Variants in MS4A6A observed in about 807,000 individuals in gnomAD.
MS4A6A encodes membrane spanning 4-domains A6A, also known as membrane-spanning 4-domains subfamily A member 6A.
MS4A6A carries 19 observed loss-of-function variants against 20.6 expected under a neutral mutation model. That is an observed-to-expected ratio of 0.92 (90% CI 0.64 to 1.36). The LOEUF is 1.36. MS4A6A is among the 40% of genes most tolerant of loss of function. MS4A6A has a pLI of 0.00. For missense variants in MS4A6A, 272 were observed against 261.1 expected (o/e 1.04, Z -0.29); for synonymous variants, 108 against 105.0 (o/e 1.03, Z -0.17).
chr11:60,178,456 C>A, intron 3 of MS4A6A, 140 bp from the exon 4 acceptor site: 1 of 612,384 alleles, frequency 1.6e-6, no homozygotes. Flanking sequence ...CATTTAAATA[C>A]ATAGATTTGT....
intron 1 of MS4A6A, chr11:60,182,674 T>G (rs557600070): frequency 1.3e-5 from 2 of 152,858 alleles, no homozygotes; most frequent in Admixed American, 1.3e-4. Context: ...TTGGATCCCT[T>G]TTCACGGCAC....
chr11:60,179,543 T>TA, intron 3 of MS4A6A: 1 of 567,464 alleles, frequency 1.8e-6, no homozygotes, highest in Non-Finnish European at 3.1e-6. Flanking sequence ...AATTCATGGA[T>TA]TTTTTTTTCG....
rs1565096134 is a variant in MS4A6A, at chr11:60,172,671, T to G, written c.*330A>C. 20 of 1,173,564 alleles carry G rather than the reference T, an allele frequency of 1.7e-5. No individual in the cohort carries two copies. Among genetic ancestry groups the G allele is most frequent in the Non-Finnish European group, 2.0e-5 (19 of 940,068 alleles). The allele number at this position is 1,173,564 out of a possible 1,614,324, so 72.7% of individuals were successfully genotyped here. A position where few individuals can be genotyped will look rare whatever the true frequency, so the allele number is the denominator to read the frequency against. On this transcript the variant is annotated 3_prime_UTR_variant, in exon 6 of 6. Coordinates refer to ENST00000528851, the MANE Select transcript of MS4A6A (RefSeq NM_022349.4). ...TGGTTGTGGCAGAAATTGTTTCTGC[T>G]TATAAGGGAGGCAAGCCAGGTTCTA...
chr11:60,172,269 T>C (rs746241372), downstream of MS4A6A: 1 of 1,611,466 alleles, frequency 6.2e-7, no homozygotes, highest in South Asian at 1.1e-5. Flanking sequence ...AGAAACAAAA[T>C]ATGTTAGGTC....
intron 2 of MS4A6A, 78 bp downstream of exon 2, chr11:60,181,503 G>T (rs975826134): frequency 1.3e-6 from 2 of 1,566,888 alleles, no homozygotes; most frequent in African/African-American, 2.7e-5. Context: ...ACTCACGACA[G>T]ATGTCCAGTC....
intron 3 of MS4A6A, chr11:60,179,489 T>TC: frequency 1.7e-6 from 1 of 579,556 alleles, no homozygotes. Flanking sequence ...CCATTTATGC[T>TC]CTTTTTTTTT....
chr11:60,181,483 G>T lies in MS4A6A; in HGVS notation c.147+98C>A, dbSNP rs574728830. 2.7e-5 allele frequency: 40 copies of T among 1,478,732 alleles called. No individual in the cohort carries two copies. The African/African-American group carries it at 4.4e-4, about 16-fold the overall frequency. The allele number at this position is 1,478,732 out of a possible 1,614,324, so 91.6% of individuals were successfully genotyped here. A position where few individuals can be genotyped will look rare whatever the true frequency, so the allele number is the denominator to read the frequency against. ...CTAAAGTCCCTCTAGCAAAATTTTA[G>T]GGTCTCCACACTCACGACAGATGTC... On this transcript the variant is annotated intron_variant, in intron 2 of 5. Coordinates refer to ENST00000528851, the MANE Select transcript of MS4A6A (RefSeq NM_022349.4).
chr11:60,182,061 C>T (rs1857163095), intron 1 of MS4A6A, among the ~76,000 whole-genome samples: 1 of 152,184 alleles, frequency 6.6e-6, no homozygotes, highest in Non-Finnish European at 1.5e-5. Context: ...TCTAGTCCTA[C>T]TGACAACAAC....
Position 60,181,623 on chromosome 11 carries a change from AT to A in MS4A6A, c.104del (p.Asp35ValfsTer3). ...CTGCGTGTAGATGTTTCTTCAGGCTATCCTGCCCCTGGTTGGTGGGTTCGGG... is the reference window on the plus strand; with the variant it reads ...CTGCGTGTAGATGTTTCTTCAGGCTACCTGCCCCTGGTTGGTGGGTTCGGG... ...EKPEPTNQGQ[D>X]SLKKHLHAEI... On this transcript the variant is annotated frameshift_variant, in exon 2 of 6. Transcript: ENST00000528851. LOFTEE classifies it high-confidence loss of function. The A allele has an allele frequency of 6.2e-7, 1 of 1,613,974 alleles. No individual in the cohort carries two copies. Among genetic ancestry groups the A allele is most frequent in the South Asian group, 1.1e-5 (1 of 91,066 alleles).
At chr11:60,182,500 G>C (rs529312992) in intron 1 of MS4A6A, 1 of 152,266 alleles carries the variant, frequency 6.6e-6, no homozygotes, top group East Asian at 1.9e-4. Flanking sequence ...TTCCCACCTG[G>C]CATTGCCAGC....
chr11:60,176,749 A>G (rs1020061623), intron 4 of MS4A6A, among the ~76,000 whole-genome samples: 2 of 152,090 alleles, frequency 1.3e-5, no homozygotes, highest in Non-Finnish European at 2.9e-5. Flanking sequence ...AATAAGCTAG[A>G]TTTGTCTTGA....
intron 4 of MS4A6A, 143 bp from the exon 5 acceptor site, chr11:60,175,754 G>T: frequency 1.2e-6 from 1 of 809,846 alleles, no homozygotes; most frequent in Non-Finnish European, 1.9e-6. Flanking sequence ...TGCCTCTCCA[G>T]TGTCCAGCAA....
chr11:60,174,287 T>A (rs906245460), intron 5 of MS4A6A, among the ~76,000 whole-genome samples: 6 of 152,114 alleles, frequency 3.9e-5, no homozygotes, highest in African/African-American at 9.7e-5. Flanking sequence ...CTTGTTTTTA[T>A]GATTGCAGGA....
In MS4A6A at chr11:60,179,958, T is replaced by C. The variant is rs1443289117; in HGVS notation, c.155A>G (p.Gln52Arg). ...HAEIKVIGTI[Q>R]ILCGMMVLSL... ...CAATACCATCATGCCACACAAGATC[T>C]GGATAGTCTGTGGGAAGAGAAAGTG... Residue 52 changes from glutamine (Q) to arginine (R), a missense_variant, in exon 3 of 6, where the codon CAG becomes CGG. By Grantham distance (43) the Gln-to-Arg change is conservative (BLOSUM62 1). Transcript: ENST00000528851. 6.2e-7 allele frequency: 1 copy of C among 1,613,576 alleles called. No individual in the cohort carries two copies. The highest frequency in any genetic ancestry group is 1.3e-5 in the African/African-American group (1 of 74,988).
chr11:60,181,685 G>C lies in MS4A6A; in HGVS notation c.43C>G (p.Pro15Ala), dbSNP rs531174327. Reference sequence around the variant, plus strand: ...TGGGAGAAGTTGATGACATTTGATGGGAGCACTATGATGGTCTCATTGGGA... The same window carrying C: ...TGGGAGAAGTTGATGACATTTGATGCGAGCACTATGATGGTCTCATTGGGA... Reference protein sequence around the residue: ...PVPNETIIVLPSNVINFSQAE... With the variant: ...PVPNETIIVLASNVINFSQAE... The change falls in exon 2 of 6, where the codon CCA becomes GCA. Residue 15 changes from proline (P) to alanine (A), a missense_variant. Pro to Ala is a conservative substitution (Grantham distance 27, BLOSUM62 -1). Transcript: ENST00000528851. The C allele has an allele frequency of 1.9e-6, 3 of 1,614,046 alleles. No individual in the cohort carries two copies. The East Asian group carries it at 6.7e-5, about 36-fold the overall frequency.
At position 60,181,638 on chromosome 11, in the gene MS4A6A, G is replaced by A. The variant is rs1479397494; in HGVS notation, c.90C>T (p.Thr30=). 6.2e-7 allele frequency: 1 copy of A among 1,614,138 alleles called. No individual in the cohort carries two copies. The highest frequency in any genetic ancestry group is 1.7e-5 in the Admixed American group (1 of 60,012). ...NFSQAEKPEP[T]NQGQDSLKKH... is the part of the protein sequence containing the mutation. ...TCTTCAGGCTATCCTGCCCCTGGTT[G>A]GTGGGTTCGGGTTTCTCTGCTTGGG... Residue 30 remains threonine, a synonymous_variant, in exon 2 of 6, where the codon ACC becomes ACT. Transcript: ENST00000528851.
intron 4 of MS4A6A, 33 bp downstream of exon 4, chr11:60,178,227 C>T (rs747949843): frequency 1.9e-6 from 3 of 1,574,356 alleles, no homozygotes; most frequent in Non-Finnish European, 2.6e-6. Flanking sequence ...TATTTTGATC[C>T]ATTGGGTTGT....
chr11:60,180,886 T>A (rs1230805970), intron 2 of MS4A6A: 1 of 368,166 alleles, frequency 2.7e-6, no homozygotes, highest in Non-Finnish European at 5.3e-6. Flanking sequence ...TTATGTCACA[T>A]GAGCCTCATA....
Position 60,173,126 on chromosome 11 carries a change from T to A in MS4A6A, c.553A>T (p.Thr185Ser), listed in dbSNP as rs7232. Residue 185 changes from threonine to serine, a missense_variant, in exon 6 of 6, where the codon ACT (threonine) becomes TCT (serine). Thr to Ser is a moderately conservative substitution (Grantham distance 58). Coordinates refer to ENST00000528851, the MANE Select transcript of MS4A6A (RefSeq NM_022349.4). ...GTGCAAATCAGCATCAGAGAGAGAG[T>A]TCCCTGAAAGTCAAGAAATAAAAGA... ...CYTAKASLAG[T>S]LSLMLICTLL... 0.35 allele frequency: 561,872 copies of A among 1,610,750 alleles called. 104,970 individuals carry two copies. Among genetic ancestry groups the A allele is most frequent in the South Asian group, 0.45 (41,283 of 90,978 alleles).
Sources: allele counts gnomAD v4.1 joint callset (sites outside exome capture counted in the v4.1 genomes callset), GRCh38; gene constraint gnomAD v4.1.1; transcripts MANE v1.5; gene names NCBI Gene and HGNC (gene_info 2026-07-23, HGNC 2026-07-21).